The following OXNAD1 variants were observed in gnomAD, a reference collection of about 807,000 sequenced individuals.
OXNAD1 encodes the protein oxidoreductase NAD-binding domain-containing protein 1.
In OXNAD1, 34 loss-of-function variants were observed where a neutral mutation model predicts 32.9. The observed-to-expected ratio is 1.03, with a 90% confidence interval of 0.79 to 1.38. The LOEUF (loss-of-function observed/expected upper bound fraction) is 1.38. Among genes scored for constraint, OXNAD1 ranks in the 40% most tolerant of loss-of-function variants. The probability of loss-of-function intolerance (pLI) is 0.00; values close to 1 mark genes in which losing one functional copy is unlikely to be tolerated. For synonymous variants in OXNAD1, 134 were observed against 135.2 expected (o/e 0.99, Z 0.06); for missense variants, 407 against 379.4 (o/e 1.07, Z -0.60).
Position 16,269,117 on chromosome 3 carries a change from C to T in OXNAD1, c.-158-9C>T. The T allele has an allele frequency of 6.8e-7, 1 of 1,465,588 alleles. No individual in the cohort carries two copies. The highest frequency in any genetic ancestry group is 9.0e-7 in the Non-Finnish European group (1 of 1,115,888). 90.8% of individuals were successfully genotyped at this position (1,465,588 alleles called of 1,614,324 possible). Reference sequence around the variant, plus strand: ...AAAACATTGTTATATGTTGTTTGTGCCATTGCAGGAACTTTGTGAGAATTT... The same window carrying T: ...AAAACATTGTTATATGTTGTTTGTGTCATTGCAGGAACTTTGTGAGAATTT... On this transcript the variant is annotated splice_polypyrimidine_tract_variant and intron_variant, in intron 1 of 8. Transcript: ENST00000285083.
chr3:16,328,309 G>A (rs940103173), intron 9 of OXNAD1, among the ~76,000 whole-genome samples: 58 of 152,334 alleles, frequency 3.8e-4, no homozygotes, highest in African/African-American at 1.3e-3. Flanking sequence ...GAGGCAGCGC[G>A]CGTGACCATG....
chr3:16,332,888 G>C (rs151016170), intron 9 of OXNAD1, among the ~76,000 whole-genome samples: 1 of 152,172 alleles, frequency 6.6e-6, no homozygotes, highest in African/African-American at 2.4e-5. Context: ...TGGTAGCTAT[G>C]TTCTGTAAAG....
rs1312614354 is a variant in OXNAD1, at chr3:16,320,704, G to A, written c.*31-16408G>A. On this transcript the variant is annotated intron_variant, in intron 9 of 9. Transcript: ENST00000435829. This position sits in a 1 kb window ranked among gnomAD's most constrained non-coding sequence, Gnocchi z 4.5. ...GATGCTCGAGTAGAGCTAGAAAGGA[G>A]GAGAATGTCCTTGGCAGAGGGGACA... 2.0e-5 allele frequency among the ~76,000 whole-genome samples: 3 copies of A among 152,248 alleles called. No individual in the cohort carries two copies. Among genetic ancestry groups the A allele is most frequent in the Admixed American group, 1.3e-4 (2 of 15,286 alleles).
Position 16,301,862 on chromosome 3 carries a change from G to T in OXNAD1, c.669G>T (p.Leu223=), listed in dbSNP as rs148809667. ...GTGCAAAAAATACCAGCGAACTCCT[G>T]TTTAAGGTAAGGGAGGTATAGCTTG... is the stretch of plus-strand genomic sequence containing the variant. ...FYSAKNTSEL[L]FKKNILDLVN... The change falls in exon 7 of 9, where the codon CTG becomes CTT. Residue 223 remains leucine, a synonymous_variant. Coordinates refer to ENST00000285083, the MANE Select transcript of OXNAD1 (RefSeq NM_138381.5). The surrounding 1 kb of genome is among the most constrained non-coding windows in gnomAD (Gnocchi z 4.1). 10 of 1,613,676 alleles carry T rather than the reference G, an allele frequency of 6.2e-6. No homozygotes were observed. In the African/African-American group the frequency reaches 1.3e-4, roughly 22 times the overall value.
intron 9 of OXNAD1, among the ~76,000 whole-genome samples, chr3:16,347,076 C>T (rs1254348711): frequency 6.6e-6 from 1 of 152,230 alleles, no homozygotes; most frequent in Non-Finnish European, 1.5e-5. Flanking sequence ...CCCTGGGCTT[C>T]TGTTGGCCTT....
intron 9 of OXNAD1, among the ~76,000 whole-genome samples, chr3:16,325,947 C>T (rs902689255): frequency 3.3e-5 from 5 of 152,210 alleles, no homozygotes; most frequent in Admixed American, 6.5e-5. Context: ...AGCAGAGAGA[C>T]GGCCTGCTCC....
chr3:16,296,969 C>CA (rs1336706812), intron 6 of OXNAD1, among the ~76,000 whole-genome samples: 1 of 151,818 alleles, frequency 6.6e-6, no homozygotes, highest in African/African-American at 2.4e-5. Context: ...AAGCAAGATC[C>CA]ATCAAAAAAA....
Position 16,329,217 on chromosome 3 carries a change from G to A in OXNAD1, c.*31-7895G>A, listed in dbSNP as rs191819042. On this transcript the variant is annotated intron_variant, in intron 9 of 9. Transcript: ENST00000435829. The surrounding 1 kb of genome is among the most constrained non-coding windows in gnomAD (Gnocchi z 4.5). Reference sequence around the variant, plus strand: ...CAAGAAGGCCCTCACAAGATGCCAGGCCCTCGACCTTGGACTTCCCAGCCT... The same window carrying A: ...CAAGAAGGCCCTCACAAGATGCCAGACCCTCGACCTTGGACTTCCCAGCCT... 1.3e-5 allele frequency among the ~76,000 whole-genome samples: 2 copies of A among 152,322 alleles called. No homozygotes were observed. Among genetic ancestry groups the A allele is most frequent in the Non-Finnish European group, 2.9e-5 (2 of 68,022 alleles).
rs1164796055 is a variant in OXNAD1, at chr3:16,322,180, G to T, written c.*31-14932G>T. 6.6e-6 allele frequency among the ~76,000 whole-genome samples: 1 copy of T among 152,196 alleles called. No individual in the cohort carries two copies. Among genetic ancestry groups the T allele is most frequent in the Admixed American group, 6.5e-5 (1 of 15,288 alleles). ...AGCTGGTGGCTGCCTGCTCCTGGTG[G>T]TTGATGGTGGGCTGGCAGTTCCCTT... On this transcript the variant is annotated intron_variant, in intron 9 of 9. Transcript: ENST00000435829. The surrounding 1 kb of genome is among the most constrained non-coding windows in gnomAD (Gnocchi z 6.2).
At chr3:16,324,613 A>ACGCC (rs1553718054) in intron 9 of OXNAD1, among the ~76,000 whole-genome samples, 1 of 90,800 alleles carries the variant, frequency 1.1e-5, no homozygotes, top group Non-Finnish European at 2.2e-5. Flanking sequence ...AATGTCCCTG[A>ACGCC]CCCCCCCCCT....
intron 2 of OXNAD1, 78 bp from the exon 3 acceptor site, chr3:16,270,867 C>T: frequency 6.3e-7 from 1 of 1,582,104 alleles, no homozygotes; most frequent in South Asian, 1.1e-5. Context: ...CACTCTTCCT[C>T]ACTGACCCTC....
In OXNAD1 at chr3:16,287,459, A is replaced by G. The variant is rs2066150627; in HGVS notation, c.290+1011A>G. ...AAGCAATTTACTGCAATCTTTGCAC[A>G]TGTTCGATGATACACATTAAATGCA... On this transcript the variant is annotated intron_variant, in intron 5 of 8. Coordinates refer to ENST00000285083, the MANE Select transcript of OXNAD1 (RefSeq NM_138381.5). This position sits in a 1 kb window ranked among gnomAD's most constrained non-coding sequence, Gnocchi z 4.8. 6.6e-6 allele frequency among the ~76,000 whole-genome samples: 1 copy of G among 152,260 alleles called. No individual in the cohort carries two copies. Among genetic ancestry groups the G allele is most frequent in the Non-Finnish European group, 1.5e-5 (1 of 68,046 alleles).
rs115562089 is a variant in OXNAD1 at position 16,280,753 on chromosome 3, C to A, written c.184-5589C>A. Among the ~76,000 whole-genome samples, 425 of 152,234 alleles carry A rather than the reference C, an allele frequency of 2.8e-3. 1 individual carries two copies. The highest frequency in any genetic ancestry group is 1.0e-2 in the African/African-American group (415 of 41,548). On this transcript the variant is annotated intron_variant, in intron 4 of 8. Coordinates refer to ENST00000285083, the MANE Select transcript of OXNAD1 (RefSeq NM_138381.5). The surrounding 1 kb of genome is among the most constrained non-coding windows in gnomAD (Gnocchi z 4.5). ...GAGACTTTTGCACCAGCGGTAACAT[C>A]AAAATATCCTACATAAAACCAGCTT... is the stretch of plus-strand genomic sequence containing the variant.
In OXNAD1 at chr3:16,348,364, A is replaced by T. The variant is rs990909082; in HGVS notation, c.*31-812A>T. ...ATTATCCAATATGTGTTCTAATTAT[A>T]AAAAAAAATTAATAGATGTGCCTTC... On this transcript the variant is annotated intron_variant, in intron 9 of 9. Transcript: ENST00000606098. The surrounding 1 kb of genome is among the most constrained non-coding windows in gnomAD (Gnocchi z 6.3). 7.3e-4 allele frequency among the ~76,000 whole-genome samples: 82 copies of T among 112,600 alleles called. 1 individual carries two copies. Among genetic ancestry groups the T allele is most frequent in the South Asian group, 1.0e-3 (4 of 3,978 alleles). The allele number at this position is 112,600 out of a possible 152,430, so 73.9% of individuals were successfully genotyped here.
intron 9 of OXNAD1, among the ~76,000 whole-genome samples, chr3:16,313,349 T>TC (rs891779016): frequency 3.2e-4 from 49 of 152,082 alleles, no homozygotes; most frequent in African/African-American, 1.1e-3. Context: ...AGCCTCATGG[T>TC]CCATCTTGAA....
intron 9 of OXNAD1, among the ~76,000 whole-genome samples, chr3:16,313,914 A>T (rs1183738145): frequency 2.0e-5 from 3 of 152,080 alleles, no homozygotes; most frequent in Non-Finnish European, 4.4e-5. Flanking sequence ...ATTAGATAAG[A>T]ATTCTTCTTC....
chr3:16,342,336 T>C, downstream of OXNAD1, among the ~76,000 whole-genome samples: 1 of 152,356 alleles, frequency 6.6e-6, no homozygotes, highest in African/African-American at 2.4e-5. This position sits in a 1 kb window ranked among gnomAD's most constrained non-coding sequence, Gnocchi z 4.0. Flanking sequence ...TTAGCATATG[T>C]TCAAGGTTCA....
At chr3:16,325,325 C>A (rs1435703209) in intron 9 of OXNAD1, among the ~76,000 whole-genome samples, 1 of 152,196 alleles carries the variant, frequency 6.6e-6, no homozygotes, top group Non-Finnish European at 1.5e-5. Context: ...AGTCTCCATT[C>A]CACCGTAAGT....
chr3:16,350,661 G>C (rs2072038960), downstream of OXNAD1, among the ~76,000 whole-genome samples: 1 of 152,172 alleles, frequency 6.6e-6, no homozygotes, highest in South Asian at 2.1e-4. Context: ...ACTCACCTGT[G>C]CTATGATTTG....
Sources: allele counts gnomAD v4.1 joint callset (sites outside exome capture counted in the v4.1 genomes callset), GRCh38; gene constraint gnomAD v4.1.1; non-coding constraint Gnocchi (gnomAD v3.1); transcripts MANE v1.5; gene names NCBI Gene and HGNC (gene_info 2026-07-23, HGNC 2026-07-21).